PBX3: variants seen among roughly 807,000 people sequenced by gnomAD.
PBX3 encodes the protein pre-B-cell leukemia transcription factor 3.
Under a neutral mutation model 48.5 loss-of-function variants are expected in PBX3, and 14 were observed. The observed-to-expected ratio is 0.29, with a 90% CI of 0.19 to 0.45. The LOEUF (loss-of-function observed/expected upper bound fraction) is 0.45. Ranked by LOEUF, PBX3 falls within the 20% of genes least tolerant of loss-of-function variation. The pLI, the probability that PBX3 is intolerant of heterozygous loss-of-function variation, is 1.00. For synonymous variants in PBX3, 210 were observed against 200.3 expected, an observed-to-expected ratio of 1.05 and a Z score of -0.41; for missense variants, 386 against 546.7, an observed-to-expected ratio of 0.71 and a Z score of 2.93.
intron 2 of PBX3, among the ~76,000 whole-genome samples, chr9:125,788,279 A>G (rs1359581870): frequency 6.6e-6 from 1 of 152,202 alleles, no homozygotes; most frequent in East Asian, 1.9e-4. Flanking sequence ...CTAAATTCTT[A>G]TTCTGGGACT....
chr9:125,771,832 T>G (rs1836947307), intron 2 of PBX3, among the ~76,000 whole-genome samples: 1 of 152,234 alleles, frequency 6.6e-6, no homozygotes, highest in Non-Finnish European at 1.5e-5. Context: ...TTCTTCAGAA[T>G]TTGAATTTTT....
chr9:125,946,215 T>A (rs1251784239), intron 5 of PBX3, among the ~76,000 whole-genome samples: 5 of 152,190 alleles, frequency 3.3e-5, no homozygotes, highest in Non-Finnish European at 7.4e-5. Context: ...TTGCTGCTAT[T>A]CATAGGTGCT....
At chr9:125,787,100 C>T (rs975777964) in intron 2 of PBX3, among the ~76,000 whole-genome samples, 2 of 152,056 alleles carry the variant, frequency 1.3e-5, no homozygotes, top group Admixed American at 1.3e-4. Flanking sequence ...AGTGCAGTAG[C>T]ATGATCATGG....
At chr9:125,772,276 G>A (rs1352100780) in intron 2 of PBX3, among the ~76,000 whole-genome samples, 1 of 152,136 alleles carries the variant, frequency 6.6e-6, no homozygotes, top group Non-Finnish European at 1.5e-5. Flanking sequence ...TTGGATGATT[G>A]ACAGGTATTG....
chr9:125,836,917 AG>A (rs1307851739), intron 2 of PBX3, among the ~76,000 whole-genome samples: 2 of 152,234 alleles, frequency 1.3e-5, no homozygotes, highest in African/African-American at 4.8e-5. Flanking sequence ...AGAGACTCTT[AG>A]AAATTGCTAG....
At chr9:125,911,029 C>T (rs908778866) in intron 2 of PBX3, among the ~76,000 whole-genome samples, 4 of 151,922 alleles carry the variant, frequency 2.6e-5, no homozygotes, top group African/African-American at 9.7e-5. Context: ...CTCTCTAGTC[C>T]ACCCACTGTT....
At chr9:125,754,710 GTATAA>G (rs1410065628) in intron 2 of PBX3, among the ~76,000 whole-genome samples, 9 of 151,920 alleles carry the variant, frequency 5.9e-5, no homozygotes, top group African/African-American at 1.7e-4. Context: ...ATATTCCATA[GTATAA>G]TATGTTTGTA....
chr9:125,916,052 A>G, intron 3 of PBX3, 125 bp downstream of exon 3: 15 of 1,358,432 alleles, frequency 1.1e-5, no homozygotes, highest in Non-Finnish European at 1.5e-5. Context: ...AAATAAGGTC[A>G]GTGCAAAAAT....
At chr9:125,749,552 TTTTC>T (rs1370646790) in intron 2 of PBX3, 2 of 150,684 alleles carry the variant, frequency 1.3e-5, no homozygotes, top group Admixed American at 6.6e-5. Context: ...TTTCCTGTTC[TTTTC>T]TTTCTTTTTT....
chr9:125,758,359 T>A (rs1054128622), intron 2 of PBX3, among the ~76,000 whole-genome samples: 1 of 152,188 alleles, frequency 6.6e-6, no homozygotes, highest in Non-Finnish European at 1.5e-5. Flanking sequence ...TTATGTTACT[T>A]TTAAATTTCT....
chr9:125,791,835 C>T (rs1048933653), intron 2 of PBX3, among the ~76,000 whole-genome samples: 1 of 151,352 alleles, frequency 6.6e-6, no homozygotes, highest in Non-Finnish European at 1.5e-5. Flanking sequence ...ACTCGGGAGG[C>T]TGAGGTAGGA....
chr9:125,780,905 C>T (rs1470575503), intron 2 of PBX3, among the ~76,000 whole-genome samples: 10 of 144,772 alleles, frequency 6.9e-5, no homozygotes, highest in Non-Finnish European at 1.4e-4. Context: ...CGGAGGGTCT[C>T]CTCACTTCTC....
At chr9:125,925,772 A>G (rs1841561354) in intron 3 of PBX3, among the ~76,000 whole-genome samples, 1 of 152,232 alleles carries the variant, frequency 6.6e-6, no homozygotes, top group Non-Finnish European at 1.5e-5. Context: ...TTAAAAATTT[A>G]ATATGTGGCT....
intron 2 of PBX3, among the ~76,000 whole-genome samples, chr9:125,815,383 G>C (rs1014159110): frequency 6.6e-6 from 1 of 152,022 alleles, no homozygotes; most frequent in Admixed American, 6.6e-5. Context: ...ATTGTTGACT[G>C]TATATCATTT....
intron 2 of PBX3, among the ~76,000 whole-genome samples, chr9:125,812,655 A>G (rs1838326875): frequency 2.0e-5 from 3 of 152,306 alleles, no homozygotes; most frequent in Admixed American, 2.0e-4. Flanking sequence ...GCAGGGTTAC[A>G]TTTTGAGAAA....
rs1218388914 is a variant in PBX3, at chr9:125,899,452, T to TAGAG, written c.275-16233_275-16232insGAGA. Among the ~76,000 whole-genome samples the TAGAG allele has an allele frequency of 1.6e-3, 140 of 89,076 alleles. 6 individuals carry two copies. Among genetic ancestry groups the TAGAG allele is most frequent in the African/African-American group, 2.1e-3 (52 of 24,306 alleles). The allele number at this position is 89,076 out of a possible 152,430, so 58.4% of individuals were successfully genotyped here. On this transcript the variant is annotated intron_variant, in intron 2 of 8. Coordinates refer to ENST00000373489, the MANE Select transcript of PBX3 (RefSeq NM_006195.6). ...CTATATATATGTGTGTATATATATA[T>TAGAG]ATAGAGAGAGAGAGAGAGAGAGAGA... is the stretch of plus-strand genomic sequence containing the variant.
chr9:125,848,808 A>T (rs1205575985), intron 2 of PBX3, among the ~76,000 whole-genome samples: 2 of 152,020 alleles, frequency 1.3e-5, no homozygotes, highest in African/African-American at 4.8e-5. Context: ...CTGTTCATAC[A>T]TAACTTGCTA....
rs919825907 is a variant in PBX3, at chr9:125,935,715, A to G, written c.843+108A>G. 1.2e-5 allele frequency: 13 copies of G among 1,088,972 alleles called. No homozygotes were observed. In the Middle Eastern group the frequency reaches 1.0e-3, roughly 88 times the overall value. The allele number at this position is 1,088,972 out of a possible 1,614,324, so 67.5% of individuals were successfully genotyped here. Reference sequence around the variant, plus strand: ...CATATCCAAATGTTCTATCATCAAAAAAGATATAAGGAAAATGTAGATATT... The same window carrying G: ...CATATCCAAATGTTCTATCATCAAAGAAGATATAAGGAAAATGTAGATATT... On this transcript the variant is annotated intron_variant, in intron 5 of 8. Transcript: ENST00000373489.
intron 5 of PBX3, among the ~76,000 whole-genome samples, chr9:125,958,899 G>C (rs1017599837): frequency 1.3e-5 from 2 of 152,178 alleles, no homozygotes; most frequent in South Asian, 2.1e-4. Context: ...CTCTCTCTCT[G>C]TCTGTCTCTC....
Sources: allele counts gnomAD v4.1 joint callset (sites outside exome capture counted in the v4.1 genomes callset), GRCh38; gene constraint gnomAD v4.1.1; transcripts MANE v1.5; gene names NCBI Gene and HGNC (gene_info 2026-07-23, HGNC 2026-07-21).